The following RMI2 variants were observed in gnomAD, a reference collection of about 807,000 sequenced individuals.
The protein encoded by RMI2 is recQ-mediated genome instability protein 2.
Under a neutral mutation model 8.4 loss-of-function variants are expected in RMI2, and 11 were observed. That is an observed-to-expected ratio of 1.32 (90% CI 0.83 to 2.18). RMI2 has a LOEUF of 2.18. RMI2 is among the 30% of genes most tolerant of loss of function. RMI2 has a pLI of 0.00. For synonymous variants in RMI2, 105 were observed against 93.8 expected (o/e 1.12, Z -0.69); for missense variants, 253 against 207.5 (o/e 1.22, Z -1.35).
intron 1 of RMI2, among the ~76,000 whole-genome samples, chr16:11,346,255 CTTTTTTTT>C (rs34808246): frequency 6.0e-5 from 7 of 115,934 alleles, no homozygotes; most frequent in Non-Finnish European, 1.2e-4. Context: ...TGCCTCCTCT[CTTTTTTTT>C]TTTTTTTTTT....
At chr16:11,350,433 T>C (rs935141810) in intron 1 of RMI2, among the ~76,000 whole-genome samples, 3 of 151,982 alleles carry the variant, frequency 2.0e-5, no homozygotes, top group Non-Finnish European at 4.4e-5. Context: ...CTACTAAACA[T>C]ACAAAAATTA....
intron 1 of RMI2, among the ~76,000 whole-genome samples, chr16:11,347,208 C>A (rs2070887761): frequency 6.6e-6 from 1 of 152,182 alleles, no homozygotes. Flanking sequence ...TGAGGATGTG[C>A]AAGGTGCTGA....
At chr16:11,348,743 T>C (rs1428701253) in intron 1 of RMI2, 2 of 152,256 alleles carry the variant, frequency 1.3e-5, no homozygotes, top group African/African-American at 4.8e-5. Context: ...CCCTCCTGGG[T>C]TGCCTGGGAC....
At position 11,350,908 on chromosome 16, in the gene RMI2, C is replaced by G; in HGVS notation, c.*118C>G. On this transcript the variant is annotated 3_prime_UTR_variant, in exon 2 of 2. Coordinates refer to ENST00000312499, the MANE Select transcript of RMI2 (RefSeq NM_152308.3). ...TATTTTTCAAATGCTTCTCAGAGAGCCTTGCTTTGGTTGACCAAGGAGTCC... is the reference window on the plus strand; with the variant it reads ...TATTTTTCAAATGCTTCTCAGAGAGGCTTGCTTTGGTTGACCAAGGAGTCC... The G allele has an allele frequency of 3.4e-6, 3 of 880,744 alleles. No homozygotes were observed. The South Asian group carries it at 5.8e-5, about 17-fold the overall frequency. The allele number at this position is 880,744 out of a possible 1,614,324, so 54.6% of individuals were successfully genotyped here.
chr16:11,345,867 G>T (rs910409297), intron 1 of RMI2, 101 bp downstream of exon 1: 7 of 1,007,434 alleles, frequency 6.9e-6, no homozygotes, highest in African/African-American at 1.7e-5. Context: ...CGGGGGCGGG[G>T]CGGGTCTGGC....
Position 11,350,991 on chromosome 16 carries a change from T to A in RMI2, c.*201T>A, listed in dbSNP as rs748249431. The A allele has an allele frequency of 2.3e-5, 10 of 426,430 alleles. No homozygotes were observed. Among genetic ancestry groups the A allele is most frequent in the Non-Finnish European group, 3.7e-5 (9 of 241,250 alleles). The allele number at this position is 426,430 out of a possible 1,614,324, so 26.4% of individuals were successfully genotyped here. ...CAGTGACACAGCCTCTGCTGCCCCT[T>A]GCTTTGCCTGTGTTTGCTGATGAAA... On this transcript the variant is annotated 3_prime_UTR_variant, in exon 2 of 2. Coordinates refer to ENST00000312499, the MANE Select transcript of RMI2 (RefSeq NM_152308.3).
At position 11,345,528 on chromosome 16, in the gene RMI2, G is replaced by C; in HGVS notation, c.57G>C (p.Arg19Ser). ...GCCCCGCGGGGGTGCGGCTTCCGAG[G>C]TCGCCGCCACTCAAGGTGCTGGCGG... ...SGGPAGVRLP[R>S]SPPLKVLAEQ... Residue 19 changes from arginine to serine, a missense_variant, in exon 1 of 2, where the codon AGG becomes AGC. Coordinates refer to ENST00000312499, the MANE Select transcript of RMI2 (RefSeq NM_152308.3). 1 of 1,290,070 alleles carries C rather than the reference G, an allele frequency of 7.8e-7. No individual in the cohort carries two copies. The highest frequency in any genetic ancestry group is 9.8e-7 in the Non-Finnish European group (1 of 1,015,532). The allele number at this position is 1,290,070 out of a possible 1,614,324, so 79.9% of individuals were successfully genotyped here.
At chr16:11,350,238 A>G (rs1330495233) in intron 1 of RMI2, among the ~76,000 whole-genome samples, 1 of 152,224 alleles carries the variant, frequency 6.6e-6, no homozygotes, top group African/African-American at 2.4e-5. Flanking sequence ...CGTCTCCTCC[A>G]TTCCTTGGGC....
At chr16:11,350,214 C>T (rs1179752230) in intron 1 of RMI2, among the ~76,000 whole-genome samples, 2 of 152,224 alleles carry the variant, frequency 1.3e-5, no homozygotes, top group South Asian at 2.1e-4. Context: ...AATTATAACT[C>T]GCTCTGATGG....
rs549938090 is a variant in RMI2 at position 11,347,506 on chromosome 16, T to G, written c.295+1740T>G. 8.0e-4 allele frequency among the ~76,000 whole-genome samples: 122 copies of G among 152,328 alleles called. 4 individuals are homozygous for G. The South Asian group carries it at 0.025, about 31-fold the overall frequency. ...TTAACTTTTCTGGACTTGTACTATT[T>G]TGTAAAAAGGAGCTAATCATTCCTG... On this transcript the variant is annotated intron_variant, in intron 1 of 1. Transcript: ENST00000312499.
In RMI2 at chr16:11,351,101, C is replaced by T. The variant is rs2070965425; in HGVS notation, c.*311C>T. ...TCTCAGACACAGAAGTCTCATGTTG[C>T]ATTTTCCAAATTTTATGAGTGATGA... On this transcript the variant is annotated 3_prime_UTR_variant, in exon 2 of 2. Transcript: ENST00000312499. 7.5e-6 allele frequency: 2 copies of T among 266,230 alleles called. No individual in the cohort carries two copies. The highest frequency in any genetic ancestry group is 1.4e-5 in the Non-Finnish European group (2 of 139,900). 16.5% of individuals were successfully genotyped at this position (266,230 alleles called of 1,614,324 possible).
intron 1 of RMI2, among the ~76,000 whole-genome samples, chr16:11,347,560 A>G (rs1165915054): frequency 1.3e-5 from 2 of 152,132 alleles, no homozygotes; most frequent in African/African-American, 4.8e-5. Context: ...TAAGTAAACA[A>G]CTGCCTTAGT....
intron 1 of RMI2, among the ~76,000 whole-genome samples, 163 bp downstream of exon 1, chr16:11,345,929 G>C (rs1034578777): frequency 3.3e-5 from 3 of 90,296 alleles, no homozygotes; most frequent in Non-Finnish European, 5.4e-5. Context: ...CCCTTGCTCC[G>C]GTCCCTCCTT....
chr16:11,350,353 T>TAC (rs1567493623), intron 1 of RMI2, among the ~76,000 whole-genome samples: 1 of 152,186 alleles, frequency 6.6e-6, no homozygotes. Context: ...CACTTTGGGA[T>TAC]ACCAAGGTGG....
intron 1 of RMI2, among the ~76,000 whole-genome samples, chr16:11,350,221 A>T (rs1471495799): frequency 6.6e-6 from 1 of 152,236 alleles, no homozygotes; most frequent in Non-Finnish European, 1.5e-5. Context: ...ACTCGCTCTG[A>T]TGGGAGCGTC....
chr16:11,351,749 T>C lies in RMI2; in HGVS notation c.*959T>C. On this transcript the variant is annotated 3_prime_UTR_variant, in exon 2 of 2. Coordinates refer to ENST00000312499, the MANE Select transcript of RMI2 (RefSeq NM_152308.3). ...TTATTGATATTCTACCTCTAATAAA[T>C]TTTTAATAGGCTGTATGAGTTTTTT... The C allele has an allele frequency of 4.8e-6, 1 of 208,526 alleles. No individual in the cohort carries two copies. The highest frequency in any genetic ancestry group is 7.3e-5 in the East Asian group (1 of 13,612). The allele number at this position is 208,526 out of a possible 1,614,324, so 12.9% of individuals were successfully genotyped here. A position where few individuals can be genotyped will look rare whatever the true frequency, so the allele number is the denominator to read the frequency against.
chr16:11,351,719 C>A lies in RMI2; in HGVS notation c.*929C>A, dbSNP rs1192459257. 2 of 218,902 alleles carry A rather than the reference C, an allele frequency of 9.1e-6. No homozygotes were observed. Among genetic ancestry groups the A allele is most frequent in the Non-Finnish European group, 1.8e-5 (2 of 109,602 alleles). The allele number at this position is 218,902 out of a possible 1,614,324, so 13.6% of individuals were successfully genotyped here. Reference sequence around the variant, plus strand: ...TTCTGACATGGTTGTAGACTTTCACCTGGATTATTGATATTCTACCTCTAA... The same window carrying A: ...TTCTGACATGGTTGTAGACTTTCACATGGATTATTGATATTCTACCTCTAA... On this transcript the variant is annotated 3_prime_UTR_variant, in exon 2 of 2. Transcript: ENST00000312499.
intron 1 of RMI2, among the ~76,000 whole-genome samples, chr16:11,350,232 T>C (rs1489161646): frequency 1.3e-5 from 2 of 152,220 alleles, no homozygotes; most frequent in Non-Finnish European, 2.9e-5. Flanking sequence ...TGGGAGCGTC[T>C]CCTCCATTCC....
In RMI2 at chr16:11,350,907, G is replaced by C; in HGVS notation, c.*117G>C. ...GTATTTTTCAAATGCTTCTCAGAGAGCCTTGCTTTGGTTGACCAAGGAGTC... is the reference window on the plus strand; with the variant it reads ...GTATTTTTCAAATGCTTCTCAGAGACCCTTGCTTTGGTTGACCAAGGAGTC... On this transcript the variant is annotated 3_prime_UTR_variant, in exon 2 of 2. Coordinates refer to ENST00000312499, the MANE Select transcript of RMI2 (RefSeq NM_152308.3). The C allele has an allele frequency of 1.1e-6, 1 of 882,012 alleles. No homozygotes were observed. Among genetic ancestry groups the C allele is most frequent in the African/African-American group, 1.7e-5 (1 of 57,260 alleles). 54.6% of individuals were successfully genotyped at this position (882,012 alleles called of 1,614,324 possible). A position where few individuals can be genotyped will look rare whatever the true frequency, so the allele number is the denominator to read the frequency against.
Sources: allele counts gnomAD v4.1 joint callset (sites outside exome capture counted in the v4.1 genomes callset), GRCh38; gene constraint gnomAD v4.1.1; transcripts MANE v1.5; gene names NCBI Gene and HGNC (gene_info 2026-07-23, HGNC 2026-07-21).